OSBPL10: variants seen among roughly 807,000 people sequenced by gnomAD.
The protein encoded by OSBPL10 is oxysterol binding protein like 10.
OSBPL10 carries 49 observed loss-of-function variants against 81.7 expected under a neutral mutation model. The observed-to-expected ratio is 0.60, with a 90% CI of 0.48 to 0.76. The LOEUF (loss-of-function observed/expected upper bound fraction) is 0.76. Ranked by LOEUF, OSBPL10 falls within the 30% of genes least tolerant of loss-of-function variation. The probability of loss-of-function intolerance (pLI) is 0.00; values close to 1 mark genes in which losing one functional copy is unlikely to be tolerated. For missense variants in OSBPL10, 923 were observed against 987.8 expected (o/e 0.93, Z 0.88); for synonymous variants, 419 against 383.6 (o/e 1.09, Z -1.08).
intron 2 of OSBPL10, among the ~76,000 whole-genome samples, chr3:32,029,819 A>G (rs1173081874): frequency 6.6e-6 from 1 of 152,220 alleles, no homozygotes; most frequent in East Asian, 1.9e-4. Context: ...CATAGTTTTT[A>G]TTTGCCACAT....
upstream of OSBPL10, among the ~76,000 whole-genome samples, chr3:31,985,124 A>G (rs1698917040): frequency 1.3e-5 from 2 of 152,226 alleles, no homozygotes; most frequent in South Asian, 2.1e-4. Context: ...CTGTAGTCCC[A>G]GCTACTCAGG....
chr3:31,699,065 C>A (rs193211225), intron 7 of OSBPL10, among the ~76,000 whole-genome samples: 1 of 152,196 alleles, frequency 6.6e-6, no homozygotes, highest in African/African-American at 2.4e-5. Context: ...TGAGTGAACA[C>A]GTTACAAATT....
intron 4 of OSBPL10, among the ~76,000 whole-genome samples, chr3:31,813,122 C>T (rs1699750797): frequency 6.6e-6 from 1 of 152,116 alleles, no homozygotes; most frequent in Non-Finnish European, 1.5e-5. Context: ...AGACTGTTAT[C>T]CTTGGACTGC....
At chr3:31,840,560 A>T (rs1402578013) in intron 3 of OSBPL10, among the ~76,000 whole-genome samples, 1 of 152,258 alleles carries the variant, frequency 6.6e-6, no homozygotes, top group Non-Finnish European at 1.5e-5. Flanking sequence ...AAGTTAAGAT[A>T]AAAATGCAAG....
chr3:31,849,404 C>T (rs566085740), intron 3 of OSBPL10, among the ~76,000 whole-genome samples: 30 of 152,130 alleles, frequency 2.0e-4, no homozygotes, highest in Non-Finnish European at 3.8e-4. Context: ...TCCTTTTTAG[C>T]GAGAAAACTG....
intron 1 of OSBPL10, among the ~76,000 whole-genome samples, chr3:31,888,227 G>T (rs972642674): frequency 6.6e-6 from 1 of 152,154 alleles, no homozygotes; most frequent in African/African-American, 2.4e-5. Context: ...ATCGAGGAAA[G>T]CTCAGTCTCT....
intron 11 of OSBPL10, 26 bp from the exon 12 acceptor site, chr3:31,662,142 T>C (rs1036127245): frequency 1.2e-6 from 2 of 1,613,894 alleles, no homozygotes; most frequent in Non-Finnish European, 1.7e-6. Context: ...GGAGGCATTA[T>C]TACATGGAGA....
chr3:31,811,334 G>A (rs1699674162), intron 4 of OSBPL10, among the ~76,000 whole-genome samples: 1 of 152,222 alleles, frequency 6.6e-6, no homozygotes, highest in African/African-American at 2.4e-5. Context: ...CACCCGGAGA[G>A]GCCTGGGCTC....
rs1203546721 is a variant in OSBPL10 at position 31,965,449 on chromosome 3, TA to T, written c.281+15449del. On this transcript the variant is annotated intron_variant, in intron 1 of 11. Transcript: ENST00000396556. ...TAGATAATATATAATATATATTATATAATATATAATTTATATAATATATATT... is the reference window on the plus strand; with the variant it reads ...TAGATAATATATAATATATATTATATATATATAATTTATATAATATATATT... Among the ~76,000 whole-genome samples the T allele has an allele frequency of 1.2e-3, 90 of 73,512 alleles. 11 individuals carry two copies. Among genetic ancestry groups the T allele is most frequent in the African/African-American group, 9.3e-3 (87 of 9,356 alleles). The allele number at this position is 73,512 out of a possible 152,430, so 48.2% of individuals were successfully genotyped here.
At chr3:32,039,248 C>T (rs1389381115) in intron 2 of OSBPL10, among the ~76,000 whole-genome samples, 1 of 151,858 alleles carries the variant, frequency 6.6e-6, no homozygotes, top group East Asian at 1.9e-4. Context: ...ATCGCTTGAA[C>T]CTGGGAGGTG....
chr3:31,883,010 A>C (rs115524321), intron 1 of OSBPL10, among the ~76,000 whole-genome samples: 2,219 of 152,302 alleles, frequency 0.015, 28 homozygotes, highest in Non-Finnish European at 0.026. Context: ...TGGTCAAATT[A>C]TTTAAGTGCT....
intron 6 of OSBPL10, chr3:31,707,539 A>G (rs1696112580): frequency 6.6e-6 from 1 of 152,202 alleles, no homozygotes; most frequent in Non-Finnish European, 1.5e-5. Context: ...AGCCATACCA[A>G]AAAACCTTGG....
At chr3:31,886,509 GC>G (rs760750975) in intron 1 of OSBPL10, among the ~76,000 whole-genome samples, 7 of 152,222 alleles carry the variant, frequency 4.6e-5, no homozygotes, top group Non-Finnish European at 1.0e-4. Flanking sequence ...GCTGAGATCT[GC>G]CTCGCCTTCC....
At chr3:31,678,085 C>T (rs1167828301) in intron 8 of OSBPL10, among the ~76,000 whole-genome samples, 1 of 50,616 alleles carries the variant, frequency 2.0e-5, no homozygotes, top group Non-Finnish European at 3.1e-5. Context: ...GAGACTCCGT[C>T]TCAAAAAAAA....
intron 3 of OSBPL10, among the ~76,000 whole-genome samples, chr3:31,847,374 T>C (rs902536367): frequency 1.3e-5 from 2 of 152,048 alleles, no homozygotes; most frequent in African/African-American, 4.8e-5. Flanking sequence ...TTTTGTACTT[T>C]GACGGGGTTT....
intron 4 of OSBPL10, among the ~76,000 whole-genome samples, chr3:31,813,921 G>A (rs1340505584): frequency 2.6e-5 from 4 of 152,188 alleles, no homozygotes; most frequent in African/African-American, 7.2e-5. Context: ...TGCTGTCCAC[G>A]TGAAGAACCA....
intron 1 of OSBPL10, among the ~76,000 whole-genome samples, chr3:31,924,037 T>C (rs1326813532): frequency 6.6e-6 from 1 of 151,616 alleles, no homozygotes; most frequent in Non-Finnish European, 1.5e-5. Flanking sequence ...GCCAACATAG[T>C]GAAACCCTGT....
chr3:32,076,323 GCGCCACTGCACTCCAAC>G (rs1158228503), intron 1 of OSBPL10, among the ~76,000 whole-genome samples: 1 of 151,618 alleles, frequency 6.6e-6, no homozygotes, highest in Non-Finnish European at 1.5e-5. Context: ...AGCAGAGATT[GCGCCACTGCACTCCAAC>G]CTGGGCAACA....
At chr3:31,727,150 T>G (rs763004923) in intron 6 of OSBPL10, among the ~76,000 whole-genome samples, 6 of 152,124 alleles carry the variant, frequency 3.9e-5, no homozygotes, top group Non-Finnish European at 4.4e-5. Flanking sequence ...TATTACTATT[T>G]GAGCTATTAA....
Sources: allele counts gnomAD v4.1 joint callset (sites outside exome capture counted in the v4.1 genomes callset), GRCh38; gene constraint gnomAD v4.1.1; transcripts MANE v1.5; gene names NCBI Gene and HGNC (gene_info 2026-07-23, HGNC 2026-07-21).